The following DMKN variants were observed in gnomAD, a reference collection of about 807,000 sequenced individuals.
DMKN encodes the protein dermokine.
In DMKN, 58 loss-of-function variants were observed where a neutral mutation model predicts 67.6. The ratio of observed to expected loss-of-function variants is 0.86; its 90% CI spans 0.69 to 1.07. The LOEUF is 1.07. Ranked by LOEUF, DMKN falls within the 50% of genes least tolerant of loss-of-function variation. The probability of loss-of-function intolerance (pLI) is 0.00; values close to 1 mark genes in which losing one functional copy is unlikely to be tolerated. For missense variants in DMKN, 596 were observed against 601.5 expected, an observed-to-expected ratio of 0.99 and a Z score of 0.10; for synonymous variants, 240 against 232.3, an observed-to-expected ratio of 1.03 and a Z score of -0.30.
chr19:35,497,513 C>T lies in DMKN; in HGVS notation c.*26G>A, dbSNP rs2067635431. ...CCCTGACGACCAGTGCTTTTCGGGG[C>T]CTCGGTGGTGGTTGCAAGAAATTGC... On this transcript the variant is annotated 3_prime_UTR_variant, in exon 16 of 16. Transcript: ENST00000339686. The T allele has an allele frequency of 6.6e-6, 1 of 152,154 alleles. No homozygotes were observed. The highest frequency in any genetic ancestry group is 1.5e-5 in the Non-Finnish European group (1 of 68,054). The allele number at this position is 152,154 out of a possible 1,614,324, so 9.4% of individuals were successfully genotyped here.
intron 11 of DMKN, among the ~76,000 whole-genome samples, chr19:35,501,489 C>T (rs1420068110): frequency 2.0e-5 from 3 of 152,264 alleles, no homozygotes; most frequent in Non-Finnish European, 4.4e-5. Context: ...GCCTCGACCT[C>T]CCCCTTTGCA....
At chr19:35,506,431 CA>C in intron 7 of DMKN, 1 of 646,760 alleles carries the variant, frequency 1.5e-6, no homozygotes, top group Non-Finnish European at 2.9e-6. Context: ...CTCTTGCCTC[CA>C]TCCTGGTCTG....
In DMKN at chr19:35,512,710, C is replaced by T. The variant is rs765172221; in HGVS notation, c.507G>A (p.Gly169=). The T allele has an allele frequency of 8.7e-6, 14 of 1,614,090 alleles. No homozygotes were observed. The East Asian group carries it at 2.2e-4, about 26-fold the overall frequency. The change falls in exon 2 of 16, where the codon GGG becomes GGA. Residue 169 remains glycine (G), a synonymous_variant. Transcript: ENST00000339686. ...CGGGGTATCCGTGGACCCACGGAGT[C>T]CCCAGACCTCCAGGATTGCCCTGGC... ...GQGQGNPGGL[G]TPWVHGYPGN...
rs748788187 is a variant in DMKN at position 35,502,200 on chromosome 19, G to A, written c.1192-17C>T. ...TTTGAAATCCTGCAGGGAGAAGGAG[G>A]GCAGAGTGGGCCGGGGAGGCAGAAC... is the stretch of plus-strand genomic sequence containing the variant. On this transcript the variant is annotated splice_polypyrimidine_tract_variant and intron_variant, in intron 10 of 15. Transcript: ENST00000339686. The A allele has an allele frequency of 6.2e-7, 1 of 1,614,084 alleles. No homozygotes were observed. Among genetic ancestry groups the A allele is most frequent in the South Asian group, 1.1e-5 (1 of 91,072 alleles).
chr19:35,508,204 C>T (rs1314939052), intron 7 of DMKN: 27 of 1,552,104 alleles, frequency 1.7e-5, no homozygotes, highest in Non-Finnish European at 2.3e-5. Flanking sequence ...CATCCTCTTA[C>T]CCTCATGTTG....
chr19:35,503,493 T>G (rs1201930461), intron 9 of DMKN: 10 of 1,531,192 alleles, frequency 6.5e-6, no homozygotes, highest in Non-Finnish European at 8.8e-6. Flanking sequence ...TTTTTTTTTT[T>G]GAGATGGAGT....
intron 7 of DMKN, chr19:35,508,099 G>T: frequency 1.4e-6 from 2 of 1,420,494 alleles, no homozygotes; most frequent in Non-Finnish European, 1.9e-6. Context: ...GGTAGACCTG[G>T]CAGGGATGTG....
chr19:35,507,912 T>A, intron 7 of DMKN: 1 of 459,632 alleles, frequency 2.2e-6, no homozygotes, highest in Non-Finnish European at 3.9e-6. Flanking sequence ...CTGTCTGGGC[T>A]GATTGGCATT....
At chr19:35,511,148 T>C (rs2070684624) in intron 5 of DMKN, among the ~76,000 whole-genome samples, 1 of 152,098 alleles carries the variant, frequency 6.6e-6, no homozygotes, top group African/African-American at 2.4e-5. Flanking sequence ...ACAGGCGGGA[T>C]AACGTCCCCA....
At chr19:35,511,733 A>C (rs774464045) in intron 4 of DMKN, 30 bp downstream of exon 4, 15 of 1,606,302 alleles carry the variant, frequency 9.3e-6, no homozygotes, top group Non-Finnish European at 1.3e-5. Flanking sequence ...CTCCTGGTGC[A>C]CAACTCCTGG....
In DMKN at chr19:35,498,857, C is replaced by T. The variant is rs1487792053; in HGVS notation, c.1383+17G>A. Reference sequence around the variant, plus strand: ...CTTCTCTCTCCAGCCAGATGAAGATCAGGCCCCCATACTCACCGAGGAAGA... The same window carrying T: ...CTTCTCTCTCCAGCCAGATGAAGATTAGGCCCCCATACTCACCGAGGAAGA... On this transcript the variant is annotated intron_variant, in intron 14 of 15. Coordinates refer to ENST00000339686, the MANE Select transcript of DMKN (RefSeq NM_033317.5). The T allele has an allele frequency of 2.5e-6, 4 of 1,614,192 alleles. No individual in the cohort carries two copies. The highest frequency in any genetic ancestry group is 2.5e-6 in the Non-Finnish European group (3 of 1,180,034).
intron 3 of DMKN, 78 bp from the exon 4 acceptor site, chr19:35,511,891 C>G (rs2070893833): frequency 3.4e-6 from 5 of 1,462,084 alleles, no homozygotes; most frequent in Non-Finnish European, 1.8e-6. Context: ...ACAGGCCAGG[C>G]CTCTCCCATT....
Position 35,510,241 on chromosome 19 carries a change from G to T in DMKN, c.930C>A (p.Thr310=). ...CACCGTGGTTGCCGGAGGAGGAGCC[G>T]GTGCTGGATCCCTGCAGGGGAAAGC... is the stretch of plus-strand genomic sequence containing the variant. ...SGSESSWGSS[T]GSSSGNHGGS... Residue 310 remains threonine (T), a synonymous_variant, in exon 6 of 16, where the codon ACC becomes ACA. Transcript: ENST00000339686. The T allele has an allele frequency of 1.2e-6, 2 of 1,605,492 alleles. No individual in the cohort carries two copies. The highest frequency in any genetic ancestry group is 1.7e-6 in the Non-Finnish European group (2 of 1,176,044).
chr19:35,508,941 G>A (rs1348932347), intron 7 of DMKN, among the ~76,000 whole-genome samples: 2 of 152,272 alleles, frequency 1.3e-5, no homozygotes, highest in East Asian at 3.9e-4. Context: ...AAAAGTCCGA[G>A]TGCAGTAGCT....
chr19:35,509,269 AT>A (rs35642398), intron 7 of DMKN, among the ~76,000 whole-genome samples: 66,279 of 151,646 alleles, frequency 0.44, 15,922 homozygotes, highest in East Asian at 0.75. Flanking sequence ...ATGGGAAGAA[AT>A]TTTTTTTTAA....
Position 35,509,974 on chromosome 19 carries a change from G to A in DMKN, c.988-13C>T, listed in dbSNP as rs1346846958. 3 of 1,614,110 alleles carry A rather than the reference G, an allele frequency of 1.9e-6. No individual in the cohort carries two copies. The highest frequency in any genetic ancestry group is 2.2e-5 in the South Asian group (2 of 91,086). On this transcript the variant is annotated splice_polypyrimidine_tract_variant and intron_variant, in intron 6 of 15. Transcript: ENST00000339686. ...CTGGCTTTTCACACTGCCGGGGAGAGAAAGGGGAGACTTTCCCTCAGTCCC... is the reference window on the plus strand; with the variant it reads ...CTGGCTTTTCACACTGCCGGGGAGAAAAAGGGGAGACTTTCCCTCAGTCCC...
chr19:35,498,610 C>T (rs2067839229), intron 15 of DMKN, 106 bp downstream of exon 15: 11 of 1,483,502 alleles, frequency 7.4e-6, no homozygotes, highest in South Asian at 3.7e-5. Context: ...GACTTCATGT[C>T]GCTGCCCACT....
intron 1 of DMKN, 126 bp from the exon 2 acceptor site, chr19:35,512,916 G>C: frequency 2.0e-6 from 3 of 1,510,298 alleles, no homozygotes; most frequent in South Asian, 2.5e-5. Flanking sequence ...ATAGGAGGGG[G>C]GCAGAACATA....
chr19:35,508,253 A>G (rs766149174), intron 7 of DMKN: 6 of 1,552,108 alleles, frequency 3.9e-6, no homozygotes, highest in Non-Finnish European at 5.2e-6. Flanking sequence ...GCAGGGTGAG[A>G]CAAAGAAACA....
Sources: allele counts gnomAD v4.1 joint callset (sites outside exome capture counted in the v4.1 genomes callset), GRCh38; gene constraint gnomAD v4.1.1; transcripts MANE v1.5; gene names NCBI Gene and HGNC (gene_info 2026-07-23, HGNC 2026-07-21).